Variants in UBN2 observed in about 807,000 individuals in gnomAD.
UBN2 encodes the protein ubinuclein 2, also known as ubinuclein-2.
In UBN2, 35 loss-of-function variants were observed where a neutral mutation model predicts 120.2. The ratio of observed to expected loss-of-function variants is 0.29; its 90% CI spans 0.22 to 0.39. The LOEUF is 0.39. Among genes scored for constraint, UBN2 ranks in the 10% least tolerant of loss-of-function variants. The pLI, the probability that UBN2 is intolerant of heterozygous loss-of-function variation, is 1.00. For synonymous variants in UBN2, 661 were observed against 648.7 expected (o/e 1.02, Z -0.29); for missense variants, 1,693 against 1,663.2 (o/e 1.02, Z -0.31).
chr7:139,281,001 C>T (rs1180904772), intron 13 of UBN2, among the ~76,000 whole-genome samples: 1 of 152,134 alleles, frequency 6.6e-6, no homozygotes, highest in African/African-American at 2.4e-5. Context: ...AATATTGAGC[C>T]AATCTTTCAT....
rs1193756477 is a variant in UBN2, at chr7:139,283,562, A to G, written c.2657A>G (p.Gln886Arg). The change falls in exon 15 of 18, where the codon CAG becomes CGG. Residue 886 changes from glutamine to arginine, a missense_variant. Coordinates refer to ENST00000473989, the MANE Select transcript of UBN2 (RefSeq NM_173569.4). ...LLQQGLQRSS[Q>R]IHTSSSSQTH... is the part of the protein sequence containing the mutation. ...CAACAAGGACTTCAGAGGTCAAGCCAGATTCACACTTCTTCCTCTTCACAG... is the reference window on the plus strand; with the variant it reads ...CAACAAGGACTTCAGAGGTCAAGCCGGATTCACACTTCTTCCTCTTCACAG... The G allele has an allele frequency of 1.9e-6, 3 of 1,614,070 alleles. No homozygotes were observed. Among genetic ancestry groups the G allele is most frequent in the Non-Finnish European group, 2.5e-6 (3 of 1,180,050 alleles).
chr7:139,255,810 A>G (rs1371518829), intron 3 of UBN2, among the ~76,000 whole-genome samples: 2 of 152,176 alleles, frequency 1.3e-5, no homozygotes, highest in African/African-American at 4.8e-5. Flanking sequence ...TTTGAAGATT[A>G]TTTTTAGTCT....
intron 5 of UBN2, among the ~76,000 whole-genome samples, chr7:139,259,817 A>G (rs1024489569): frequency 2.6e-5 from 4 of 151,858 alleles, no homozygotes; most frequent in African/African-American, 9.7e-5. Flanking sequence ...CCCACAATCT[A>G]GGCTCACTGC....
intron 15 of UBN2, 52 bp downstream of exon 15, chr7:139,284,626 G>T: frequency 1.4e-6 from 2 of 1,478,550 alleles, no homozygotes; most frequent in Non-Finnish European, 1.8e-6. Flanking sequence ...GTATAATGTC[G>T]TCTTTCTTGT....
the UBN2 span, chr7:139,315,367 T>G: frequency 3.3e-5 from 5 of 152,240 alleles, no homozygotes; most frequent in African/African-American, 9.6e-5. Context: ...CATTCCAGTT[T>G]TAGTATATGT....
chr7:139,294,900 G>A (rs994817496), intron 17 of UBN2, among the ~76,000 whole-genome samples: 45 of 152,178 alleles, frequency 3.0e-4, no homozygotes, highest in Middle Eastern at 3.2e-3. Flanking sequence ...CAGCCAGATC[G>A]CTCTGAAATC....
intron 1 of UBN2, 98 bp downstream of exon 1, chr7:139,232,050 T>G: frequency 8.0e-7 from 1 of 1,248,918 alleles, no homozygotes; most frequent in Non-Finnish European, 1.1e-6. Context: ...ACCGAGCGCG[T>G]CCGGGTCGCC....
chr7:139,234,605 T>G (rs1168254882), intron 1 of UBN2, among the ~76,000 whole-genome samples: 1 of 152,198 alleles, frequency 6.6e-6, no homozygotes, highest in Non-Finnish European at 1.5e-5. Flanking sequence ...CCTGAAAGAT[T>G]AATTTGGTCA....
rs2131085573 is a variant in UBN2 at position 139,301,595 on chromosome 7, A to G, written c.*3759A>G. The G allele has an allele frequency of 6.6e-6, 1 of 152,298 alleles. No homozygotes were observed. The highest frequency in any genetic ancestry group is 1.5e-5 in the Non-Finnish European group (1 of 68,032). The allele number at this position is 152,298 out of a possible 1,614,324, so 9.4% of individuals were successfully genotyped here. On this transcript the variant is annotated 3_prime_UTR_variant, in exon 18 of 18. Transcript: ENST00000473989. The stretch of plus-strand genomic sequence containing the variant: ...TTGTCCTCTAGTTTGACTCATGTAT[A>G]GAATTAGGATACTTTATTTTAGGAG...
the UBN2 span, among the ~76,000 whole-genome samples, chr7:139,319,862 G>A: frequency 6.6e-6 from 1 of 151,904 alleles, no homozygotes; most frequent in Non-Finnish European, 1.5e-5. Flanking sequence ...GTATCACAAG[G>A]TCAGGAGATG....
chr7:139,239,990 A>G (rs954169591), intron 2 of UBN2, among the ~76,000 whole-genome samples: 1 of 152,234 alleles, frequency 6.6e-6, no homozygotes, highest in African/African-American at 2.4e-5. Flanking sequence ...GTTAGCATTA[A>G]GTCTTCTTAG....
At chr7:139,258,137 G>C (rs1217237011) in intron 3 of UBN2, among the ~76,000 whole-genome samples, 1 of 152,096 alleles carries the variant, frequency 6.6e-6, no homozygotes, top group Non-Finnish European at 1.5e-5. Flanking sequence ...CTGGACACTT[G>C]GTCATCTTTT....
At chr7:139,308,501 A>AGT (rs1229692395), downstream of UBN2, among the ~76,000 whole-genome samples, 2 of 152,188 alleles carry the variant, frequency 1.3e-5, no homozygotes, top group Admixed American at 1.3e-4. Flanking sequence ...AGTGGGGAAG[A>AGT]AACGGGACTG....
intron 12 of UBN2, 170 bp downstream of exon 12, chr7:139,276,317 C>T: frequency 1.5e-6 from 1 of 667,334 alleles, no homozygotes; most frequent in South Asian, 1.7e-5. Flanking sequence ...TGTCAGGGTA[C>T]TCTCTAAACA....
rs201612627 is a variant in UBN2 at position 139,261,606 on chromosome 7, C to T, written c.1260C>T (p.Pro420=). The T allele has an allele frequency of 6.2e-7, 1 of 1,614,178 alleles. No homozygotes were observed. Among genetic ancestry groups the T allele is most frequent in the Non-Finnish European group, 8.5e-7 (1 of 1,180,032 alleles). The part of the protein sequence containing the change: ...RLLDAASDGS[P]LSESGGENGT... ...TGGATGCTGCTTCTGATGGTAGCCC[C>T]CTATCTGAGTCGGGGGGTGAAAATG... Residue 420 remains proline (P), a synonymous_variant, in exon 6 of 18, where the codon CCC becomes CCT. Coordinates refer to ENST00000473989, the MANE Select transcript of UBN2 (RefSeq NM_173569.4).
In UBN2 at chr7:139,303,562, A is replaced by T. The variant is rs1250303531; in HGVS notation, c.*5726A>T. On this transcript the variant is annotated 3_prime_UTR_variant, in exon 18 of 18. Coordinates refer to ENST00000473989, the MANE Select transcript of UBN2 (RefSeq NM_173569.4). ...GAATATTGTTTAACCTTCGTGCCTC[A>T]GATTACCCATTAGACAATTGGGTAT... The T allele has an allele frequency of 2.0e-5, 3 of 152,226 alleles. No homozygotes were observed. The highest frequency in any genetic ancestry group is 7.2e-5 in the African/African-American group (3 of 41,470). The allele number at this position is 152,226 out of a possible 1,614,324, so 9.4% of individuals were successfully genotyped here.
At chr7:139,311,879 C>T (rs970951700), downstream of UBN2, among the ~76,000 whole-genome samples, 2 of 152,158 alleles carry the variant, frequency 1.3e-5, no homozygotes, top group Admixed American at 6.6e-5. Flanking sequence ...TTAGATGTAG[C>T]GTCATGGAGT....
chr7:139,235,947 C>T (rs1796152608), intron 1 of UBN2, among the ~76,000 whole-genome samples: 1 of 151,804 alleles, frequency 6.6e-6, no homozygotes, highest in Non-Finnish European at 1.5e-5. Flanking sequence ...GTGTGCACAT[C>T]TTCCTTCTGC....
At chr7:139,317,957 G>A in the UBN2 span, among the ~76,000 whole-genome samples, 84 of 152,130 alleles carry the variant, frequency 5.5e-4, no homozygotes, top group Non-Finnish European at 9.1e-4. Context: ...GCCACCGCAC[G>A]CAGCCCAACT....
Sources: allele counts gnomAD v4.1 joint callset (sites outside exome capture counted in the v4.1 genomes callset), GRCh38; gene constraint gnomAD v4.1.1; transcripts MANE v1.5; gene names NCBI Gene and HGNC (gene_info 2026-07-23, HGNC 2026-07-21).